The following NLGN4Y variants were observed in gnomAD, a reference collection of about 807,000 sequenced individuals.
NLGN4Y encodes the protein neuroligin 4 Y-linked.
A neutral mutation model predicts 8.4 loss-of-function variants in NLGN4Y; 4 were observed. The ratio of observed to expected loss-of-function variants is 0.48; its 90% CI spans 0.23 to 1.09. The LOEUF is 1.09. Among genes scored for constraint, NLGN4Y ranks in the 50% least tolerant of loss-of-function variants. The pLI is 0.19. For missense variants in NLGN4Y, 90 were observed against 192.3 expected (o/e 0.47, Z 3.15); for synonymous variants, 35 against 75.6 (o/e 0.46, Z 2.78).
intron 1 of NLGN4Y, among the ~76,000 whole-genome samples, chrY:14,598,449 C>T: frequency 3.0e-5 from 1 of 33,845 alleles, no homozygotes; most frequent in South Asian, 6.9e-4. Flanking sequence ...GATGCTAAGT[C>T]CCCCATTGCC....
At chrY:14,567,376 G>A in intron 1 of NLGN4Y, among the ~76,000 whole-genome samples, 1 of 30,681 alleles carries the variant, frequency 3.3e-5, no homozygotes, top group Non-Finnish European at 7.8e-5. Flanking sequence ...TTATAGGCAT[G>A]TACCACCACG....
At chrY:14,589,524 G>A in intron 1 of NLGN4Y, among the ~76,000 whole-genome samples, 1 of 32,623 alleles carries the variant, frequency 3.1e-5, no homozygotes, top group Admixed American at 2.7e-4. Context: ...ACAGGGTGCT[G>A]ATTGGTGTAT....
At chrY:14,677,490 C>T in intron 2 of NLGN4Y, among the ~76,000 whole-genome samples, 1 of 32,383 alleles carries the variant, frequency 3.1e-5, no homozygotes, top group Non-Finnish European at 7.5e-5. Flanking sequence ...CTCACAGTTC[C>T]CCGAGCATAC....
intron 2 of NLGN4Y, among the ~76,000 whole-genome samples, chrY:14,715,781 AT>A (rs2080913504): frequency 3.1e-5 from 1 of 32,297 alleles, no homozygotes; most frequent in Non-Finnish European, 7.6e-5. Context: ...TGAAAGTATA[AT>A]TTTTTTTTAA....
intron 1 of NLGN4Y, among the ~76,000 whole-genome samples, chrY:14,583,829 A>G: frequency 2.9e-5 from 1 of 34,279 alleles, no homozygotes; most frequent in Non-Finnish European, 7.3e-5. Context: ...GAGAAGGACC[A>G]TGCGTTCAGT....
At chrY:14,827,173 A>T (rs959344083) in intron 5 of NLGN4Y, among the ~76,000 whole-genome samples, 1 of 33,859 alleles carries the variant, frequency 3.0e-5, no homozygotes, top group African/African-American at 1.2e-4. Flanking sequence ...AAAGGCTCAT[A>T]TTTGTAGTAA....
Position 14,798,241 on chromosome Y carries a change from C to T in NLGN4Y, c.686-25947C>T, listed in dbSNP as rs573975142. ...ATTATAATTTTGTATTTGTCTTTGACGTCCTTGAATTTCATAGCAATATAT... is the reference window on the plus strand; with the variant it reads ...ATTATAATTTTGTATTTGTCTTTGATGTCCTTGAATTTCATAGCAATATAT... On this transcript the variant is annotated intron_variant, in intron 4 of 6. Transcript: ENST00000684976. Among the ~76,000 whole-genome samples, 195 of 33,512 alleles carry T rather than the reference C, an allele frequency of 5.8e-3. No homozygotes were observed. In the South Asian group the frequency reaches 0.12, roughly 21 times the overall value. The allele number at this position is 33,512 out of a possible 37,273, so 89.9% of individuals were successfully genotyped here.
intron 4 of NLGN4Y, among the ~76,000 whole-genome samples, chrY:14,812,439 G>A: frequency 6.0e-5 from 2 of 33,534 alleles, no homozygotes; most frequent in Non-Finnish European, 1.5e-4. Flanking sequence ...AGTTGGTAGA[G>A]GAGAGGTTGC....
chrY:14,770,770 A>G (rs2081105259), intron 4 of NLGN4Y, among the ~76,000 whole-genome samples: 1 of 33,156 alleles, frequency 3.0e-5, no homozygotes, highest in Non-Finnish European at 7.4e-5. Flanking sequence ...CTAAAGGAGC[A>G]TGTTCTAATC....
chrY:14,694,721 T>G, intron 2 of NLGN4Y, among the ~76,000 whole-genome samples: 5 of 33,907 alleles, frequency 1.5e-4, no homozygotes, highest in African/African-American at 5.7e-4. Flanking sequence ...AATGAGTGAT[T>G]TGTGTTTCTT....
upstream of NLGN4Y, chrY:14,522,964 T>A (rs2080078707): frequency 3.0e-5 from 1 of 33,757 alleles, no homozygotes; most frequent in South Asian, 6.8e-4. Context: ...TTAAGACGTG[T>A]CTTTCGCATA....
At chrY:14,830,635 A>G in intron 6 of NLGN4Y, 116 bp downstream of exon 6, 1 of 213,491 alleles carries the variant, frequency 4.7e-6, no homozygotes, top group South Asian at 3.6e-5. Context: ...ACATATACAC[A>G]TACAGACACA....
At chrY:14,549,739 C>T (rs2080185311) in intron 1 of NLGN4Y, among the ~76,000 whole-genome samples, 1 of 31,388 alleles carries the variant, frequency 3.2e-5, no homozygotes, top group Admixed American at 2.9e-4. Context: ...AATCCTACAA[C>T]GTGGGTCCAT....
At chrY:14,759,114 A>G (rs1004147652) in intron 4 of NLGN4Y, among the ~76,000 whole-genome samples, 2 of 33,535 alleles carry the variant, frequency 6.0e-5, no homozygotes, top group East Asian at 1.6e-3. Flanking sequence ...TCAGAGAATC[A>G]TGACTTTCTT....
At chrY:14,580,274 G>T in intron 1 of NLGN4Y, among the ~76,000 whole-genome samples, 1 of 5,003 alleles carries the variant, frequency 2.0e-4, no homozygotes, top group Non-Finnish European at 3.0e-4. Flanking sequence ...AACACCTCAC[G>T]CATGCCTTTC....
At chrY:14,674,937 T>C in intron 2 of NLGN4Y, among the ~76,000 whole-genome samples, 1 of 33,805 alleles carries the variant, frequency 3.0e-5, no homozygotes, top group East Asian at 7.9e-4. Context: ...AAACTTACTA[T>C]AGCATGAGTA....
At chrY:14,561,293 A>T in intron 1 of NLGN4Y, among the ~76,000 whole-genome samples, 4 of 31,908 alleles carry the variant, frequency 1.3e-4, no homozygotes, top group African/African-American at 4.9e-4. Flanking sequence ...ATGTATTCTC[A>T]TTGTTCAGCT....
chrY:14,642,974 T>C, intron 2 of NLGN4Y, among the ~76,000 whole-genome samples: 4 of 33,680 alleles, frequency 1.2e-4, no homozygotes, highest in African/African-American at 4.6e-4. Flanking sequence ...TTTCTTCTTT[T>C]GGCTTTCTCA....
chrY:14,635,454 C>T (rs1465617856), intron 2 of NLGN4Y, among the ~76,000 whole-genome samples: 2 of 32,797 alleles, frequency 6.1e-5, no homozygotes, highest in African/African-American at 1.2e-4. Flanking sequence ...AAGCACAAAG[C>T]CTTCAGCGAC....
Sources: allele counts gnomAD v4.1 joint callset (sites outside exome capture counted in the v4.1 genomes callset), GRCh38; gene constraint gnomAD v4.1.1; transcripts MANE v1.5; gene names NCBI Gene and HGNC (gene_info 2026-07-23, HGNC 2026-07-21).